The following EBPL variants were observed in gnomAD, a reference collection of about 807,000 sequenced individuals.
EBPL encodes EBP like.
In EBPL, 20 loss-of-function variants were observed where a neutral mutation model predicts 19.0. The ratio of observed to expected loss-of-function variants is 1.05; its 90% CI spans 0.74 to 1.53. The LOEUF (loss-of-function observed/expected upper bound fraction) is 1.53, where lower values mean the gene tolerates loss of function less well. Among genes scored for constraint, EBPL ranks in the 40% most tolerant of loss-of-function variants. EBPL has a pLI of 0.00. For missense variants in EBPL, 219 were observed against 261.1 expected, an observed-to-expected ratio of 0.84 and a Z score of 1.11; for synonymous variants, 107 against 117.0, an observed-to-expected ratio of 0.91 and a Z score of 0.55.
chr13:49,678,164 C>A (rs898700836), intron 1 of EBPL, among the ~76,000 whole-genome samples: 2 of 152,220 alleles, frequency 1.3e-5, no homozygotes, highest in Non-Finnish European at 2.9e-5. Context: ...GGTGCGTTTA[C>A]GAACCTTGAG....
chr13:49,689,068 C>T (rs1307696790), intron 1 of EBPL, among the ~76,000 whole-genome samples: 1 of 152,150 alleles, frequency 6.6e-6, no homozygotes, highest in Non-Finnish European at 1.5e-5. Context: ...AATTTAGAGA[C>T]ATTAAAATAT....
chr13:49,668,291 G>A, intron 2 of EBPL: 1 of 178,812 alleles, frequency 5.6e-6, no homozygotes, highest in Non-Finnish European at 1.2e-5. Context: ...TGAGATATAT[G>A]GGCCAGGCGC....
chr13:49,666,573 G>A (rs1238803263), intron 2 of EBPL, among the ~76,000 whole-genome samples: 5 of 151,550 alleles, frequency 3.3e-5, no homozygotes, highest in Non-Finnish European at 5.9e-5. Context: ...TTAGCCAGGC[G>A]TGGTGGTGGG....
Position 49,669,838 on chromosome 13 carries a change from A to G in EBPL, c.180T>C (p.Pro60=). 1 of 1,613,508 alleles carries G rather than the reference A, an allele frequency of 6.2e-7. No homozygotes were observed. Among genetic ancestry groups the G allele is most frequent in the Non-Finnish European group, 8.5e-7 (1 of 1,179,528 alleles). The change falls in exon 2 of 4, where the codon CCT becomes CCC. Residue 60 remains proline (P), a synonymous_variant. Transcript: ENST00000242827. ...TTCCTACTAAAGACAAGTAGACAAA[A>G]GGGCCTTCCTAGAGAGGAGAAAATG... is the stretch of plus-strand genomic sequence containing the variant. ...DALVHFALEG[P]FVYLSLVGNV... is the part of the protein sequence containing the mutation.
At chr13:49,662,008 T>C (rs1169378182) in intron 3 of EBPL, 3 of 1,325,188 alleles carry the variant, frequency 2.3e-6, no homozygotes, top group East Asian at 2.5e-5. Flanking sequence ...CATCCTTTTT[T>C]TTTGAGACAG....
chr13:49,687,484 G>A (rs1005516543), intron 1 of EBPL, among the ~76,000 whole-genome samples: 3 of 152,136 alleles, frequency 2.0e-5, no homozygotes, highest in Admixed American at 6.5e-5. Flanking sequence ...CTGGGTCTCT[G>A]AGCAAAGACA....
chr13:49,675,872 G>A (rs1312677760), intron 1 of EBPL, among the ~76,000 whole-genome samples: 4 of 117,492 alleles, frequency 3.4e-5, no homozygotes, highest in Admixed American at 2.0e-4. Context: ...TTCCTTTGTT[G>A]TTATTGTTTT....
At chr13:49,685,671 G>A (rs555551972) in intron 1 of EBPL, among the ~76,000 whole-genome samples, 6 of 152,174 alleles carry the variant, frequency 3.9e-5, no homozygotes, top group South Asian at 4.1e-4. Context: ...TCAGGAGTTC[G>A]AAACCAGCCT....
In EBPL at chr13:49,684,483, C is replaced by A. The variant is rs1594416867; in HGVS notation, c.171+6771G>T. Among the ~76,000 whole-genome samples the A allele has an allele frequency of 3.9e-5, 6 of 152,274 alleles. 2 individuals are homozygous for A. Among genetic ancestry groups the A allele is most frequent in the Admixed American group, 3.9e-4 (6 of 15,300 alleles). On this transcript the variant is annotated intron_variant, in intron 1 of 3. Coordinates refer to ENST00000242827, the MANE Select transcript of EBPL (RefSeq NM_032565.5). Reference sequence around the variant, plus strand: ...GCCAGGAGTTTGAGACCAGCCTGGGCAACATGGTGAAACCCCATCTCTACT... The same window carrying A: ...GCCAGGAGTTTGAGACCAGCCTGGGAAACATGGTGAAACCCCATCTCTACT...
At chr13:49,688,528 G>A (rs559832344) in intron 1 of EBPL, among the ~76,000 whole-genome samples, 1 of 152,118 alleles carries the variant, frequency 6.6e-6, no homozygotes, top group East Asian at 1.9e-4. Flanking sequence ...GACCATCCTG[G>A]CTAATATGGT....
chr13:49,686,970 T>C (rs560737126), intron 1 of EBPL, among the ~76,000 whole-genome samples: 1 of 152,224 alleles, frequency 6.6e-6, no homozygotes, highest in African/African-American at 2.4e-5. Context: ...TAATTTTTCG[T>C]AGAGATGAGG....
At chr13:49,686,548 T>A in intron 1 of EBPL, 3 of 1,289,766 alleles carry the variant, frequency 2.3e-6, no homozygotes, top group Non-Finnish European at 3.0e-6. Flanking sequence ...ATTCTGTGGA[T>A]CCCAGGACCC....
At chr13:49,680,591 A>T (rs2137504884) in intron 1 of EBPL, among the ~76,000 whole-genome samples, 1 of 152,342 alleles carries the variant, frequency 6.6e-6, no homozygotes, top group East Asian at 1.9e-4. Context: ...TGGGAGGCCG[A>T]GGTGGACAGA....
In EBPL at chr13:49,660,864, A is replaced by G. The variant is rs867150740; in HGVS notation, c.*104T>C. On this transcript the variant is annotated 3_prime_UTR_variant, in exon 4 of 4. Coordinates refer to ENST00000242827, the MANE Select transcript of EBPL (RefSeq NM_032565.5). The stretch of plus-strand genomic sequence containing the variant: ...ACAGGTTGTTCAGGAGCAACAATAC[A>G]AAAACAAAGTGTAGACTGGAATGTA... 62 of 1,073,712 alleles carry G rather than the reference A, an allele frequency of 5.8e-5. No individual in the cohort carries two copies. The Middle Eastern group carries it at 1.1e-3, about 18-fold the overall frequency. 66.5% of individuals were successfully genotyped at this position (1,073,712 alleles called of 1,614,324 possible).
Position 49,679,006 on chromosome 13 carries a change from T to TAAAAA in EBPL, c.172-9165_172-9161dup, listed in dbSNP as rs71188373. Among the ~76,000 whole-genome samples, 43 of 95,156 alleles carry TAAAAA rather than the reference T, an allele frequency of 4.5e-4. 6 individuals carry two copies. The highest frequency in any genetic ancestry group is 8.3e-4 in the East Asian group (3 of 3,628). 62.4% of individuals were successfully genotyped at this position (95,156 alleles called of 152,430 possible). A position where few individuals can be genotyped will look rare whatever the true frequency, so the allele number is the denominator to read the frequency against. The stretch of plus-strand genomic sequence containing the variant: ...CTGGGTGACAGAGTGAGACTCCGTC[T>TAAAAA]AAAAAAAAAAAAAGACTATTCAGGG... On this transcript the variant is annotated intron_variant, in intron 1 of 3. Transcript: ENST00000242827.
intron 2 of EBPL, among the ~76,000 whole-genome samples, chr13:49,666,885 TTA>T (rs1491126752): frequency 2.3e-4 from 25 of 107,400 alleles, no homozygotes; most frequent in Non-Finnish European, 4.3e-4. Flanking sequence ...CGAGACTCTG[TTA>T]AAAAAAAAAG....
chr13:49,663,364 G>A (rs182127086), intron 2 of EBPL, among the ~76,000 whole-genome samples, 169 bp from the exon 3 acceptor site: 22 of 152,226 alleles, frequency 1.4e-4, no homozygotes, highest in African/African-American at 4.6e-4. Context: ...ACCAAAATGC[G>A]TTTACCACCT....
chr13:49,691,433 C>A lies in EBPL; in HGVS notation c.-9G>T, dbSNP rs769943681. ...TCCCACTCAGCGCCCATGCTTCAGG[C>A]TTCCGACGCCAACGGCCCAGGACCA... On this transcript the variant is annotated 5_prime_UTR_variant, in exon 1 of 4. Coordinates refer to ENST00000242827, the MANE Select transcript of EBPL (RefSeq NM_032565.5). 21 of 1,334,506 alleles carry A rather than the reference C, an allele frequency of 1.6e-5. No individual in the cohort carries two copies. Among genetic ancestry groups the A allele is most frequent in the Non-Finnish European group, 1.9e-5 (20 of 1,044,406 alleles). 82.7% of individuals were successfully genotyped at this position (1,334,506 alleles called of 1,614,324 possible).
At chr13:49,681,658 C>G (rs1953944879) in intron 1 of EBPL, among the ~76,000 whole-genome samples, 1 of 152,186 alleles carries the variant, frequency 6.6e-6, no homozygotes, top group Admixed American at 6.6e-5. Context: ...AAGCTCAGAT[C>G]AAACAAATGA....
Sources: gnomAD v4.1 joint callset for allele counts (sites outside exome capture counted in the v4.1 genomes callset) on GRCh38, gnomAD v4.1.1 for gene constraint, MANE v1.5 for transcripts, NCBI Gene and HGNC (gene_info 2026-07-23, HGNC 2026-07-21) for gene names.